Variants in SULT2B1 observed in about 807,000 individuals in gnomAD.
SULT2B1 encodes the protein sulfotransferase 2B1.
In SULT2B1, 16 loss-of-function variants were observed where a neutral mutation model predicts 33.2. The ratio of observed to expected loss-of-function variants is 0.48; its 90% CI spans 0.33 to 0.73. The LOEUF (loss-of-function observed/expected upper bound fraction) is 0.73, where lower values mean the gene tolerates loss of function less well. SULT2B1 is among the 30% of genes least tolerant of loss of function. SULT2B1 has a pLI of 0.02. For synonymous variants in SULT2B1, 186 were observed against 200.5 expected (o/e 0.93, Z 0.61); for missense variants, 500 against 506.0 (o/e 0.99, Z 0.11).
chr19:48,585,117 G>A (rs943259882), intron 2 of SULT2B1, among the ~76,000 whole-genome samples: 3 of 151,312 alleles, frequency 2.0e-5, no homozygotes, highest in Non-Finnish European at 4.4e-5. Context: ...GAGGTGGGAG[G>A]ATCACTTGAG....
chr19:48,554,520 A>G (rs569352057), intron 1 of SULT2B1, among the ~76,000 whole-genome samples: 3 of 108,540 alleles, frequency 2.8e-5, no homozygotes, highest in South Asian at 7.0e-4. Context: ...TCTCCCCCCA[A>G]CCTCACCACT....
At chr19:48,556,190 G>A (rs1297787402) in intron 1 of SULT2B1, among the ~76,000 whole-genome samples, 23 of 152,134 alleles carry the variant, frequency 1.5e-4, no homozygotes, top group Admixed American at 1.2e-3. Context: ...GGCAATTTAG[G>A]ATTTTTGGCC....
intron 1 of SULT2B1, among the ~76,000 whole-genome samples, chr19:48,555,096 A>G (rs1315921529): frequency 1.3e-5 from 2 of 151,132 alleles, no homozygotes; most frequent in Admixed American, 6.6e-5. Flanking sequence ...TAATATTATT[A>G]CTATTATTTT....
Position 48,587,286 on chromosome 19 carries a change from G to C in SULT2B1, c.272G>C (p.Trp91Ser), listed in dbSNP as rs751390677. ...ATCCTGAAGGAAGGGGATCCATCCT[G>C]GATCCGCTCCGTGCCCATCTGGGAG... ...CLILKEGDPS[W>S]IRSVPIWERA... The change falls in exon 3 of 7, where the codon TGG becomes TCG. Residue 91 changes from tryptophan (W) to serine (S), a missense_variant. Trp to Ser is a radical substitution (Grantham distance 177). Coordinates refer to ENST00000201586, the MANE Select transcript of SULT2B1 (RefSeq NM_177973.2). 1 of 1,614,052 alleles carries C rather than the reference G, an allele frequency of 6.2e-7. No individual in the cohort carries two copies.
chr19:48,577,181 C>T (rs892312019), intron 2 of SULT2B1, among the ~76,000 whole-genome samples: 3 of 148,542 alleles, frequency 2.0e-5, no homozygotes, highest in African/African-American at 5.0e-5. Flanking sequence ...CACAGGTGCC[C>T]GCCACCATGC....
chr19:48,576,018 G>C lies in SULT2B1; in HGVS notation c.149G>C (p.Ser50Thr). ...PVGLYSLESISLAENTQDVRD... is the reference protein window; with the variant it reads ...PVGLYSLESITLAENTQDVRD... ...GGCCTGTACTCGCTCGAGAGCATCAGCTTGGCGGAGAACACCCAAGATGTG... is the reference window on the plus strand; with the variant it reads ...GGCCTGTACTCGCTCGAGAGCATCACCTTGGCGGAGAACACCCAAGATGTG... The change falls in exon 2 of 7, where the codon AGC (serine) becomes ACC (threonine). Residue 50 changes from serine to threonine, a missense_variant. Coordinates refer to ENST00000201586, the MANE Select transcript of SULT2B1 (RefSeq NM_177973.2). The C allele has an allele frequency of 1.2e-6, 2 of 1,613,988 alleles. No individual in the cohort carries two copies. The highest frequency in any genetic ancestry group is 1.7e-6 in the Non-Finnish European group (2 of 1,179,966).
chr19:48,594,031 G>A (rs892029774), intron 5 of SULT2B1, among the ~76,000 whole-genome samples: 2 of 151,932 alleles, frequency 1.3e-5, no homozygotes, highest in Non-Finnish European at 2.9e-5. Context: ...GGCCGAGGTA[G>A]GCAGATCACC....
At chr19:48,589,726 C>T (rs1485998329) in intron 3 of SULT2B1, among the ~76,000 whole-genome samples, 2 of 152,176 alleles carry the variant, frequency 1.3e-5, no homozygotes, top group Non-Finnish European at 2.9e-5. Context: ...CTTTCAGAGG[C>T]CAAGGTGAGC....
At chr19:48,592,926 C>T (rs1203176435) in intron 5 of SULT2B1, 110 bp downstream of exon 5, 26 of 906,058 alleles carry the variant, frequency 2.9e-5, no homozygotes, top group East Asian at 2.6e-4. Flanking sequence ...CCATGCAATG[C>T]GCCAGCCCCT....
chr19:48,592,558 G>A (rs1341099764), intron 4 of SULT2B1, among the ~76,000 whole-genome samples, 164 bp from the exon 5 acceptor site: 2 of 152,154 alleles, frequency 1.3e-5, no homozygotes, highest in Non-Finnish European at 2.9e-5. Context: ...GGTTGGAAGA[G>A]CCCCAGAACT....
intron 3 of SULT2B1, among the ~76,000 whole-genome samples, chr19:48,589,984 T>C (rs1167295837): frequency 2.0e-5 from 3 of 151,988 alleles, no homozygotes; most frequent in Admixed American, 2.0e-4. Context: ...TTTTCTTTCT[T>C]TTTTCTTTTT....
intron 1 of SULT2B1, among the ~76,000 whole-genome samples, chr19:48,569,608 C>G (rs1159730118): frequency 1.3e-5 from 2 of 151,430 alleles, no homozygotes; most frequent in Non-Finnish European, 2.9e-5. Flanking sequence ...AAGCAGTCCT[C>G]CCATCTAGGC....
intron 1 of SULT2B1, among the ~76,000 whole-genome samples, chr19:48,553,564 C>T (rs979075517): frequency 2.6e-5 from 4 of 152,288 alleles, no homozygotes; most frequent in South Asian, 2.1e-4. Flanking sequence ...CCACCTGCCT[C>T]GGCCTCCCAA....
At chr19:48,563,770 G>C (rs1568403814) in intron 1 of SULT2B1, among the ~76,000 whole-genome samples, 1 of 152,026 alleles carries the variant, frequency 6.6e-6, no homozygotes, top group Non-Finnish European at 1.5e-5. Context: ...TTCAAGACCA[G>C]CCTGACCAAC....
chr19:48,572,485 G>C (rs376238611), intron 1 of SULT2B1, among the ~76,000 whole-genome samples: 1 of 151,496 alleles, frequency 6.6e-6, no homozygotes, highest in Non-Finnish European at 1.5e-5. Flanking sequence ...CTACACTATA[G>C]CCTGGGCAAC....
At chr19:48,554,935 GC>G (rs1001755021) in intron 1 of SULT2B1, among the ~76,000 whole-genome samples, 4 of 152,052 alleles carry the variant, frequency 2.6e-5, no homozygotes, top group Admixed American at 6.6e-5. Context: ...CTGTTATCAT[GC>G]CCTGGACAGG....
At chr19:48,589,081 G>T (rs1050350364) in intron 3 of SULT2B1, among the ~76,000 whole-genome samples, 1 of 152,226 alleles carries the variant, frequency 6.6e-6, no homozygotes, top group Admixed American at 6.5e-5. Flanking sequence ...GCGGTCAGAT[G>T]GGGACCGACT....
At chr19:48,575,148 C>CCCTGGG (rs1973387189) in intron 1 of SULT2B1, among the ~76,000 whole-genome samples, 1 of 130,204 alleles carries the variant, frequency 7.7e-6, no homozygotes, top group Non-Finnish European at 1.6e-5. Flanking sequence ...TCGCTCTGTC[C>CCCTGGG]CCTGGGCTGG....
At chr19:48,581,935 C>T (rs1174760952) in intron 2 of SULT2B1, among the ~76,000 whole-genome samples, 2 of 148,530 alleles carry the variant, frequency 1.3e-5, no homozygotes, top group Non-Finnish European at 3.0e-5. Flanking sequence ...GATGAAGTCT[C>T]GCTCTGTCGC....
Sources: gnomAD v4.1 joint callset for allele counts (sites outside exome capture counted in the v4.1 genomes callset) on GRCh38, gnomAD v4.1.1 for gene constraint, MANE v1.5 for transcripts, NCBI Gene and HGNC (gene_info 2026-07-23, HGNC 2026-07-21) for gene names.